The following YOD1 variants were observed in gnomAD, a reference collection of about 807,000 sequenced individuals.
YOD1 encodes the protein ubiquitin thioesterase OTU1.
In YOD1, 17 loss-of-function variants were observed where a neutral mutation model predicts 23.7. The ratio of observed to expected loss-of-function variants is 0.72; its 90% CI spans 0.49 to 1.07. The LOEUF is 1.07. YOD1 is among the 50% of genes least tolerant of loss of function. YOD1 has a pLI of 0.00. For missense variants in YOD1, 413 were observed against 447.2 expected (o/e 0.92, Z 0.69); for synonymous variants, 191 against 169.6 (o/e 1.13, Z -0.98).
At chr1:207,049,752 G>A in intron 1 of YOD1, 29 bp from the exon 2 acceptor site, 1 of 1,573,560 alleles carries the variant, frequency 6.4e-7, no homozygotes. Context: ...ATCCCGATCT[G>A]CAAAGAAATT....
Position 207,049,131 on chromosome 1 carries a change from A to G in YOD1, c.936T>C (p.Asp312=). Residue 312 remains aspartate, a synonymous_variant, in exon 2 of 2, where the codon GAT becomes GAC. Coordinates refer to ENST00000315927, the MANE Select transcript of YOD1 (RefSeq NM_018566.4). The stretch of plus-strand genomic sequence containing the variant: ...TGCATCTCAGGGTGAAGCGGTTGAC[A>G]TCAGTAAACTGTCTCCTTCTTCTAG... ...DEARRRRQFT[D]VNRFTLRCMV... The G allele has an allele frequency of 6.2e-7, 1 of 1,614,084 alleles. No homozygotes were observed. The highest frequency in any genetic ancestry group is 8.5e-7 in the Non-Finnish European group (1 of 1,180,024).
rs1173335674 is a variant in YOD1 at position 207,050,836 on chromosome 1, G to T, written c.195C>A (p.Ser65Arg). The T allele has an allele frequency of 4.3e-6, 7 of 1,613,010 alleles. No individual in the cohort carries two copies. Among genetic ancestry groups the T allele is most frequent in the Non-Finnish European group, 5.9e-6 (7 of 1,179,960 alleles). Residue 65 changes from serine to arginine, a missense_variant, in exon 1 of 2, where the codon AGC (serine) becomes AGA (arginine). Coordinates refer to ENST00000315927, the MANE Select transcript of YOD1 (RefSeq NM_018566.4). Reference sequence around the variant, plus strand: ...CCTGGAGTTCCCGCACCCGGGTCCGGCTGGACAGCCCCTGCAAAACATGGG... The same window carrying T: ...CCTGGAGTTCCCGCACCCGGGTCCGTCTGGACAGCCCCTGCAAAACATGGG... Reference protein sequence around the residue: ...DGTHVLQGLSSRTRVRELQGQ... With the variant: ...DGTHVLQGLSRRTRVRELQGQ...
At chr1:207,050,657 A>T (rs773241424) in intron 1 of YOD1, 31 bp downstream of exon 1, 1 of 1,609,310 alleles carries the variant, frequency 6.2e-7, no homozygotes, top group South Asian at 1.1e-5. Flanking sequence ...TCCTCCCGGG[A>T]CTTTCCCTGG....
chr1:207,052,291 G>C (rs1435921221), upstream of YOD1: 7 of 1,477,452 alleles, frequency 4.7e-6, no homozygotes, highest in Non-Finnish European at 6.6e-6. Context: ...TTCCTCCTTG[G>C]TTCTTCAAGA....
rs1055584832 is a variant in YOD1, at chr1:207,045,477, T to C, written c.*3543A>G. 1.3e-5 allele frequency: 2 copies of C among 152,370 alleles called. No homozygotes were observed. Among genetic ancestry groups the C allele is most frequent in the Admixed American group, 6.6e-5 (1 of 15,256 alleles). The allele number at this position is 152,370 out of a possible 1,614,324, so 9.4% of individuals were successfully genotyped here. A position where few individuals can be genotyped will look rare whatever the true frequency, so the allele number is the denominator to read the frequency against. On this transcript the variant is annotated 3_prime_UTR_variant, in exon 2 of 2. Coordinates refer to ENST00000315927, the MANE Select transcript of YOD1 (RefSeq NM_018566.4). ...ACTTTAATGTCCTTAATTAGATCCC[T>C]AGAGGGCCAACATGTAAACTTTTAT...
upstream of YOD1, among the ~76,000 whole-genome samples, chr1:207,052,566 A>T (rs528384137): frequency 9.9e-5 from 15 of 152,254 alleles, no homozygotes; most frequent in African/African-American, 3.1e-4. Context: ...AGGCAGGAGA[A>T]TCGCTTGAAC....
At chr1:207,052,675 C>T (rs2808449), upstream of YOD1, among the ~76,000 whole-genome samples, 5 of 151,886 alleles carry the variant, frequency 3.3e-5, no homozygotes, top group Non-Finnish European at 4.4e-5. Context: ...CCAAACCAAA[C>T]CAAAACAAAA....
chr1:207,050,570 T>G, intron 1 of YOD1, 118 bp downstream of exon 1: 3 of 1,360,558 alleles, frequency 2.2e-6, no homozygotes, highest in South Asian at 2.6e-5. Context: ...TCCTCGCCCC[T>G]GGCCTCAAAG....
In YOD1 at chr1:207,049,222, G is replaced by A; in HGVS notation, c.845C>T (p.Pro282Leu). Reference sequence around the variant, plus strand: ...ATCATTAGAGGAGAAAATGGTCAGAGGAGGTGTATCTGGATCAGGGAAGTT... The same window carrying A: ...ATCATTAGAGGAGAAAATGGTCAGAAGAGGTGTATCTGGATCAGGGAAGTT... ...QRNFPDPDTP[P>L]LTIFSSNDDI... The change falls in exon 2 of 2, where the codon CCT becomes CTT. Residue 282 changes from proline (P) to leucine (L), a missense_variant. By Grantham distance (98) the Pro-to-Leu change is moderately conservative (BLOSUM62 -3). Coordinates refer to ENST00000315927, the MANE Select transcript of YOD1 (RefSeq NM_018566.4). 1.2e-6 allele frequency: 2 copies of A among 1,614,134 alleles called. No homozygotes were observed. The highest frequency in any genetic ancestry group is 1.7e-5 in the Admixed American group (1 of 60,014).
Position 207,049,324 on chromosome 1 carries a change from C to T in YOD1, c.743G>A (p.Arg248His), listed in dbSNP as rs750247312. The change falls in exon 2 of 2, where the codon CGT (arginine) becomes CAT (histidine). Residue 248 changes from arginine (R) to histidine (H), a missense_variant. Transcript: ENST00000315927. ...GGTATATCCTGCATCTTCCCCAAAA[C>T]GATCAATTCTTACTGTCTGTGTATC... Reference protein sequence around the residue: ...VVDTQTVRIDRFGEDAGYTKR... With the variant: ...VVDTQTVRIDHFGEDAGYTKR... The T allele has an allele frequency of 1.9e-6, 3 of 1,613,976 alleles. No homozygotes were observed. The highest frequency in any genetic ancestry group is 2.2e-5 in the East Asian group (1 of 44,882).
chr1:207,049,247 T>C lies in YOD1; in HGVS notation c.820A>G (p.Asn274Asp). The C allele has an allele frequency of 1.2e-6, 2 of 1,614,122 alleles. No individual in the cohort carries two copies. Among genetic ancestry groups the C allele is most frequent in the South Asian group, 1.1e-5 (1 of 91,080 alleles). ...GGAGGTGTATCTGGATCAGGGAAGT[T>C]ACGCTGAAGTGGATCATAGTGGATG... The part of the protein sequence containing the change: ...DGIHYDPLQR[N>D]FPDPDTPPLT... Residue 274 changes from asparagine (N) to aspartate (D), a missense_variant, in exon 2 of 2, where the codon AAC becomes GAC. Coordinates refer to ENST00000315927, the MANE Select transcript of YOD1 (RefSeq NM_018566.4).
rs763326986 is a variant in YOD1, at chr1:207,050,780, G to A, written c.251C>T (p.Pro84Leu). Residue 84 changes from proline (P) to leucine (L), a missense_variant, in exon 1 of 2, where the codon CCC (proline) becomes CTC (leucine). By Grantham distance (98) the Pro-to-Leu change is moderately conservative. Transcript: ENST00000315927. ...TCCGACGAGGATTCGCTGACCGCCG[G>A]GGGCGATCCCGGTGATGGCGGCAAT... ...GQIAAITGIAPGGQRILVGYP... is the reference protein window; with the variant it reads ...GQIAAITGIALGGQRILVGYP... 3 of 1,613,444 alleles carry A rather than the reference G, an allele frequency of 1.9e-6. No homozygotes were observed. The highest frequency in any genetic ancestry group is 2.5e-6 in the Non-Finnish European group (3 of 1,180,008).
At chr1:207,050,122 T>C (rs547941392) in intron 1 of YOD1, among the ~76,000 whole-genome samples, 37 of 152,248 alleles carry the variant, frequency 2.4e-4, no homozygotes, top group Non-Finnish European at 4.8e-4. Flanking sequence ...ACATCCTTGA[T>C]ACAGCAACTG....
chr1:207,049,590 A>T lies in YOD1; in HGVS notation c.477T>A (p.Ser159=). The change falls in exon 2 of 2, where the codon TCT becomes TCA. Residue 159 remains serine, a synonymous_variant. Transcript: ENST00000315927. ...LTRTVVPADN[S]CLFTSVYYVV... Reference sequence around the variant, plus strand: ...CATAGTACACACTAGTAAAGAGGCAAGAGTTGTCTGCTGGGACCACGGTTC... The same window carrying T: ...CATAGTACACACTAGTAAAGAGGCATGAGTTGTCTGCTGGGACCACGGTTC... The T allele has an allele frequency of 6.2e-7, 1 of 1,614,198 alleles. No homozygotes were observed. The highest frequency in any genetic ancestry group is 1.3e-5 in the African/African-American group (1 of 75,040).
chr1:207,050,907 G>A lies in YOD1; in HGVS notation c.124C>T (p.Arg42Trp), dbSNP rs746000674. The A allele has an allele frequency of 1.2e-5, 19 of 1,605,026 alleles. No homozygotes were observed. The South Asian group carries it at 2.1e-4, about 18-fold the overall frequency. The change falls in exon 1 of 2, where the codon CGG (arginine) becomes TGG (tryptophan). Residue 42 changes from arginine (R) to tryptophan (W), a missense_variant. Arg to Trp is a moderately radical substitution (Grantham distance 101, BLOSUM62 -3). Coordinates refer to ENST00000315927, the MANE Select transcript of YOD1 (RefSeq NM_018566.4). Reference sequence around the variant, plus strand: ...CGGAGCCGCCACATCGTGTCGGTCCGGCTGCCCACAGGCCAGGCACCCGCG... The same window carrying A: ...CGGAGCCGCCACATCGTGTCGGTCCAGCTGCCCACAGGCCAGGCACCCGCG... ...GPAGAWPVGS[R>W]TDTMWRLRCK...
Position 207,051,190 on chromosome 1 carries a change from T to A in YOD1, c.-160A>T. 1 of 1,371,924 alleles carries A rather than the reference T, an allele frequency of 7.3e-7. No homozygotes were observed. Among genetic ancestry groups the A allele is most frequent in the South Asian group, 1.6e-5 (1 of 61,306 alleles). 85.0% of individuals were successfully genotyped at this position (1,371,924 alleles called of 1,614,324 possible). ...CGTATTCCTAAAGGACAACGGGTCT[T>A]GCTACCTATAGAGCGAGTGAGGTGC... On this transcript the variant is annotated 5_prime_UTR_variant, in exon 1 of 2. Transcript: ENST00000315927.
rs1307073795 is a variant in YOD1, at chr1:207,045,687, T to C, written c.*3333A>G. On this transcript the variant is annotated 3_prime_UTR_variant, in exon 2 of 2. Transcript: ENST00000315927. ...AAGATGTAAGAAAACTATGTTTAGCTTAGGGCAACTTGCAACACCCACGTT... is the reference window on the plus strand; with the variant it reads ...AAGATGTAAGAAAACTATGTTTAGCCTAGGGCAACTTGCAACACCCACGTT... The C allele has an allele frequency of 1.3e-5, 2 of 151,950 alleles. No homozygotes were observed. The highest frequency in any genetic ancestry group is 2.4e-5 in the African/African-American group (1 of 41,380). The allele number at this position is 151,950 out of a possible 1,614,324, so 9.4% of individuals were successfully genotyped here.
upstream of YOD1, chr1:207,052,259 A>AT (rs748199667): frequency 1.7e-4 from 274 of 1,580,192 alleles, no homozygotes; most frequent in Middle Eastern, 3.4e-4. Context: ...TCATGACTCA[A>AT]TTTTTTTTTG....
At chr1:207,052,376 G>T, upstream of YOD1, 3 of 670,832 alleles carry the variant, frequency 4.5e-6, no homozygotes, top group South Asian at 3.6e-5. Context: ...AAGTCCACCG[G>T]GGTGGCCGGG....
Sources: gnomAD v4.1 joint callset for allele counts (sites outside exome capture counted in the v4.1 genomes callset) on GRCh38, gnomAD v4.1.1 for gene constraint, MANE v1.5 for transcripts, NCBI Gene and HGNC (gene_info 2026-07-23, HGNC 2026-07-21) for gene names.